The following LSAMP variants were observed in gnomAD, a reference collection of about 807,000 sequenced individuals.
LSAMP encodes limbic system associated membrane protein, also known as limbic system-associated membrane protein.
LSAMP carries 7 observed loss-of-function variants against 38.6 expected under a neutral mutation model. That is an observed-to-expected ratio of 0.18 (90% CI 0.10 to 0.34). The LOEUF (loss-of-function observed/expected upper bound fraction) is 0.34, where lower values mean the gene tolerates loss of function less well. LSAMP is among the 10% of genes least tolerant of loss of function. LSAMP has a pLI of 1.00. For missense variants in LSAMP, 313 were observed against 420.0 expected, an observed-to-expected ratio of 0.75 and a Z score of 2.23; for synonymous variants, 154 against 166.8, an observed-to-expected ratio of 0.92 and a Z score of 0.59.
chr3:116,178,437 G>A (rs7615264), intron 1 of LSAMP, among the ~76,000 whole-genome samples: 18,512 of 152,184 alleles, frequency 0.12, 1,938 homozygotes, highest in African/African-American at 0.29. Context: ...CAAAGTGCTG[G>A]GATTACAGGC....
chr3:116,000,242 C>G (rs1390445840), intron 3 of LSAMP, among the ~76,000 whole-genome samples: 1 of 152,114 alleles, frequency 6.6e-6, no homozygotes, highest in African/African-American at 2.4e-5. Context: ...GTGCCAGGCT[C>G]TATGCTAGAG....
At chr3:116,068,904 A>G (rs1227581020) in intron 2 of LSAMP, among the ~76,000 whole-genome samples, 2 of 152,226 alleles carry the variant, frequency 1.3e-5, no homozygotes, top group Admixed American at 1.3e-4. Flanking sequence ...ATAAAGTGGA[A>G]TGTGATGTGT....
intron 1 of LSAMP, chr3:116,369,877 A>G (rs551414730): frequency 1.3e-5 from 2 of 152,738 alleles, no homozygotes; most frequent in South Asian, 2.1e-4. Flanking sequence ...AAACGGTCAC[A>G]TGATGAGGCA....
intron 2 of LSAMP, chr3:116,051,299 T>G (rs1412602475): frequency 1.3e-5 from 2 of 152,162 alleles, no homozygotes; most frequent in African/African-American, 4.8e-5. Context: ...GCAGGTTCCA[T>G]GTGACTCGTC....
intron 1 of LSAMP, among the ~76,000 whole-genome samples, chr3:116,142,895 T>G (rs979804364): frequency 5.9e-5 from 9 of 151,886 alleles, no homozygotes; most frequent in Admixed American, 2.0e-4. Context: ...TCACAAAGTT[T>G]GTGTCCTCGT....
At chr3:116,262,468 C>T (rs2107659674) in intron 1 of LSAMP, among the ~76,000 whole-genome samples, 1 of 152,284 alleles carries the variant, frequency 6.6e-6, no homozygotes, top group Non-Finnish European at 1.5e-5. Flanking sequence ...ATAAATGCAT[C>T]TTTTTCTGTT....
chr3:115,900,141 A>G (rs550491016), intron 3 of LSAMP, among the ~76,000 whole-genome samples: 1 of 152,280 alleles, frequency 6.6e-6, no homozygotes, highest in South Asian at 2.1e-4. Flanking sequence ...TTGTGACCTT[A>G]AAGATATTAT....
intron 3 of LSAMP, among the ~76,000 whole-genome samples, chr3:116,009,929 T>G (rs1335331836): frequency 1.3e-5 from 2 of 152,112 alleles, no homozygotes; most frequent in Non-Finnish European, 2.9e-5. Context: ...TTGTTGTTGT[T>G]GTTTTGAGAT....
intron 6 of LSAMP, among the ~76,000 whole-genome samples, chr3:115,818,790 T>A (rs1166843130): frequency 1.4e-4 from 10 of 69,784 alleles, no homozygotes; most frequent in Non-Finnish European, 2.4e-4. Flanking sequence ...AGTTGTACTT[T>A]TATATATATA....
At chr3:116,150,008 T>G (rs997356403) in intron 1 of LSAMP, among the ~76,000 whole-genome samples, 8 of 152,082 alleles carry the variant, frequency 5.3e-5, no homozygotes, top group Non-Finnish European at 1.2e-4. Flanking sequence ...TTAATCTGAC[T>G]GCAAATAACA....
In LSAMP at chr3:115,842,597, C is replaced by T. The variant is rs762153895; in HGVS notation, c.650-19G>A. On this transcript the variant is annotated intron_variant, in intron 4 of 6. Transcript: ENST00000490035. ...GGAGGATCTGTAGGAAGGACAGGCA[C>T]ACAAGTTTACATGAGGGTCGGGGTG... 1.9e-6 allele frequency: 3 copies of T among 1,611,988 alleles called. No individual in the cohort carries two copies. The highest frequency in any genetic ancestry group is 2.5e-6 in the Non-Finnish European group (3 of 1,178,762).
intron 1 of LSAMP, among the ~76,000 whole-genome samples, chr3:116,184,825 TTC>T (rs1422752419): frequency 6.6e-6 from 1 of 151,900 alleles, no homozygotes; most frequent in Admixed American, 6.6e-5. Flanking sequence ...TTCTTTGTTT[TTC>T]TCTTTCTCAA....
intron 1 of LSAMP, among the ~76,000 whole-genome samples, chr3:116,227,902 A>T (rs2046360562): frequency 6.6e-6 from 1 of 152,176 alleles, no homozygotes; most frequent in Non-Finnish European, 1.5e-5. Flanking sequence ...GACTGAAGAT[A>T]AAACATTCTA....
At chr3:116,413,315 T>C (rs951197380) in intron 1 of LSAMP, among the ~76,000 whole-genome samples, 3 of 152,088 alleles carry the variant, frequency 2.0e-5, no homozygotes, top group Non-Finnish European at 4.4e-5. Flanking sequence ...ATAAGCTACT[T>C]GGAAATCCTG....
intron 1 of LSAMP, among the ~76,000 whole-genome samples, chr3:116,346,410 C>T (rs2107759662): frequency 6.6e-6 from 1 of 151,380 alleles, no homozygotes; most frequent in South Asian, 2.1e-4. Flanking sequence ...TTCACTGCAA[C>T]CTCTGCTTCC....
chr3:116,258,881 AT>A (rs2046789894), intron 1 of LSAMP, among the ~76,000 whole-genome samples: 2 of 152,248 alleles, frequency 1.3e-5, no homozygotes, highest in African/African-American at 4.8e-5. Context: ...GTACCTTCTT[AT>A]CAAAAGGTTT....
At chr3:116,202,333 C>T (rs570613704) in intron 1 of LSAMP, among the ~76,000 whole-genome samples, 1 of 152,156 alleles carries the variant, frequency 6.6e-6, no homozygotes, top group East Asian at 1.9e-4. Flanking sequence ...GGGGTTTCAC[C>T]ATGTTGGCCA....
intron 1 of LSAMP, among the ~76,000 whole-genome samples, chr3:116,232,602 T>C (rs2046413773): frequency 6.6e-6 from 1 of 152,050 alleles, no homozygotes; most frequent in African/African-American, 2.4e-5. Flanking sequence ...TTTCCAAGTG[T>C]GGAAAATCAA....
chr3:116,152,636 T>C (rs1336098825), intron 1 of LSAMP, among the ~76,000 whole-genome samples: 2 of 152,120 alleles, frequency 1.3e-5, no homozygotes, highest in African/African-American at 4.8e-5. Context: ...GGCTCATAGA[T>C]ACATGGGGAG....
Sources: gnomAD v4.1 joint callset for allele counts (sites outside exome capture counted in the v4.1 genomes callset) on GRCh38, gnomAD v4.1.1 for gene constraint, MANE v1.5 for transcripts, NCBI Gene and HGNC (gene_info 2026-07-23, HGNC 2026-07-21) for gene names.